Variants in KIF9 observed in about 807,000 individuals in gnomAD.
KIF9 encodes kinesin-like protein KIF9.
Under a neutral mutation model 94.8 loss-of-function variants are expected in KIF9, and 68 were observed. The ratio of observed to expected loss-of-function variants is 0.72; its 90% CI spans 0.59 to 0.88. The LOEUF (loss-of-function observed/expected upper bound fraction) is 0.88. Among genes scored for constraint, KIF9 ranks in the 40% least tolerant of loss-of-function variants. The probability of loss-of-function intolerance (pLI) is 0.00; values close to 1 mark genes in which losing one functional copy is unlikely to be tolerated. For synonymous variants in KIF9, 343 were observed against 362.1 expected, an observed-to-expected ratio of 0.95 and a Z score of 0.60; for missense variants, 882 against 982.5, an observed-to-expected ratio of 0.90 and a Z score of 1.37.
chr3:47,254,570 C>T (rs1267464477), intron 10 of KIF9, among the ~76,000 whole-genome samples: 1 of 152,178 alleles, frequency 6.6e-6, no homozygotes, highest in Non-Finnish European at 1.5e-5. Flanking sequence ...GAGATCGTGC[C>T]ACTACACTCC....
chr3:47,258,911 T>C (rs1416059107), intron 9 of KIF9, among the ~76,000 whole-genome samples: 2 of 152,352 alleles, frequency 1.3e-5, no homozygotes, highest in East Asian at 3.9e-4. Context: ...ACTTGCATTA[T>C]ATGTCAGTCA....
In KIF9 at chr3:47,230,700, C is replaced by T. The variant is rs145507112; in HGVS notation, c.2323-1998G>A. On this transcript the variant is annotated intron_variant, in intron 20 of 20. Transcript: ENST00000684063. ...GAGCCAAGATCACACCATTGCACTCCAGCCTAGGTGACAGAGGAAGACTCC... is the reference window on the plus strand; with the variant it reads ...GAGCCAAGATCACACCATTGCACTCTAGCCTAGGTGACAGAGGAAGACTCC... Among the ~76,000 whole-genome samples the T allele has an allele frequency of 8.1e-3, 1,225 of 151,450 alleles. 5 individuals carry two copies. The highest frequency in any genetic ancestry group is 0.012 in the Non-Finnish European group (842 of 67,922).
At chr3:47,242,497 G>A (rs1699640490) in intron 16 of KIF9, among the ~76,000 whole-genome samples, 1 of 152,212 alleles carries the variant, frequency 6.6e-6, no homozygotes, top group South Asian at 2.1e-4. Context: ...GTTTAGAAAT[G>A]TTCATAGGTT....
intron 4 of KIF9, among the ~76,000 whole-genome samples, chr3:47,273,014 C>T (rs1284165746): frequency 2.6e-5 from 4 of 152,170 alleles, no homozygotes; most frequent in Admixed American, 1.3e-4. Flanking sequence ...AGAACCCAGG[C>T]TAGTGGGGCC....
At chr3:47,254,449 C>CA (rs1576007378) in intron 10 of KIF9, among the ~76,000 whole-genome samples, 1 of 150,542 alleles carries the variant, frequency 6.6e-6, no homozygotes, top group South Asian at 2.1e-4. Flanking sequence ...GACTCCATCT[C>CA]AAAAAACAAA....
chr3:47,236,694 G>A, intron 17 of KIF9, 75 bp from the exon 18 acceptor site: 2 of 1,368,432 alleles, frequency 1.5e-6, no homozygotes, highest in Non-Finnish European at 2.0e-6. Flanking sequence ...ATTCCAGAAG[G>A]TGGGCACAGA....
At chr3:47,230,090 C>G (rs1189367098) in intron 20 of KIF9, among the ~76,000 whole-genome samples, 1 of 151,988 alleles carries the variant, frequency 6.6e-6, no homozygotes, top group Admixed American at 6.6e-5. Flanking sequence ...CTCAATAAAG[C>G]CTTTTAAAAA....
In KIF9 at chr3:47,265,878, C is replaced by T. The variant is rs1402042884; in HGVS notation, c.769-1G>A. 1 of 1,614,136 alleles carries T rather than the reference C, an allele frequency of 6.2e-7. No individual in the cohort carries two copies. Among genetic ancestry groups the T allele is most frequent in the Non-Finnish European group, 8.5e-7 (1 of 1,180,008 alleles). Reference sequence around the variant, plus strand: ...CTTCCTTCAGGACTTGGCCCTCAGACTACAAAGCAAAGGTCAGTTCCACTT... The same window carrying T: ...CTTCCTTCAGGACTTGGCCCTCAGATTACAAAGCAAAGGTCAGTTCCACTT... On this transcript the variant is annotated splice_acceptor_variant, in intron 7 of 20. Transcript: ENST00000684063. LOFTEE classifies it high-confidence loss of function.
At chr3:47,244,610 T>C (rs1454589979) in intron 15 of KIF9, 181 bp downstream of exon 15, 2 of 694,544 alleles carry the variant, frequency 2.9e-6, no homozygotes, top group Non-Finnish European at 5.0e-6. Context: ...ATGATTCTTG[T>C]GCGGTTCCAA....
chr3:47,264,311 C>A lies in KIF9; in HGVS notation c.956G>T (p.Gly319Val). The change falls in exon 9 of 21, where the codon GGA (glycine) becomes GTA (valine). Residue 319 changes from glycine (G) to valine (V), a missense_variant. Coordinates refer to ENST00000684063, the MANE Select transcript of KIF9 (RefSeq NM_182902.4). ...CNMVLVTNIY[G>V]EAAQLEETLS... is the part of the protein sequence containing the mutation. The stretch of plus-strand genomic sequence containing the variant: ...CGTTTCTTCTAACTGGGCAGCTTCT[C>A]CATAGATGTTTGTCACGAGGACCAT... 6.2e-7 allele frequency: 1 copy of A among 1,613,748 alleles called. No homozygotes were observed. Among genetic ancestry groups the A allele is most frequent in the South Asian group, 1.1e-5 (1 of 91,070 alleles).
intron 16 of KIF9, among the ~76,000 whole-genome samples, chr3:47,241,826 C>T (rs1423136676): frequency 2.2e-5 from 3 of 137,038 alleles, no homozygotes; most frequent in Admixed American, 7.8e-5. Context: ...TATATATATA[C>T]ACACACACAT....
chr3:47,244,843 T>C lies in KIF9; in HGVS notation c.1462A>G (p.Thr488Ala). Residue 488 changes from threonine to alanine, a missense_variant, in exon 15 of 21, where the codon ACC becomes GCC. Physicochemically the swap from Thr to Ala is moderately conservative, Grantham distance 58. Transcript: ENST00000684063. ...GACTTGGCTTTCTTCCCAGGTTTGG[T>C]AGAGAAAGGGGCGACTCCGAGTCCA... is the stretch of plus-strand genomic sequence containing the variant. The part of the protein sequence containing the change: ...NFGLGVAPFS[T>A]KPGKKAKSKK... 1 of 1,613,968 alleles carries C rather than the reference T, an allele frequency of 6.2e-7. No homozygotes were observed. The highest frequency in any genetic ancestry group is 1.1e-5 in the South Asian group (1 of 91,060).
At chr3:47,240,343 C>T in intron 17 of KIF9, 1 of 222,166 alleles carries the variant, frequency 4.5e-6, no homozygotes, top group East Asian at 1.1e-4. Context: ...AGTCCCTTGG[C>T]TCTCTGGCAT....
At chr3:47,250,280 T>C (rs747695405) in intron 10 of KIF9, among the ~76,000 whole-genome samples, 2 of 152,170 alleles carry the variant, frequency 1.3e-5, no homozygotes, top group Non-Finnish European at 2.9e-5. Flanking sequence ...AAGAAGTAAT[T>C]CTAATTTTAA....
At chr3:47,243,963 G>GT (rs1198129891) in intron 15 of KIF9, 1 of 152,298 alleles carries the variant, frequency 6.6e-6, no homozygotes, top group Non-Finnish European at 1.5e-5. Context: ...GGGTTGGGGT[G>GT]TGACTGCACT....
intron 7 of KIF9, chr3:47,266,078 T>C: frequency 1.9e-6 from 1 of 539,554 alleles, no homozygotes; most frequent in East Asian, 3.0e-5. Context: ...TCAGAAATAT[T>C]CATGTGAACA....
intron 17 of KIF9, among the ~76,000 whole-genome samples, chr3:47,237,436 G>A (rs188503405): frequency 2.6e-5 from 4 of 152,296 alleles, no homozygotes; most frequent in East Asian, 3.9e-4. Flanking sequence ...CATCTATATC[G>A]TGTTGAGTAG....
In KIF9 at chr3:47,264,281, C is replaced by T. The variant is rs373571297; in HGVS notation, c.981+5G>A. 2 of 1,609,930 alleles carry T rather than the reference C, an allele frequency of 1.2e-6. No homozygotes were observed. The highest frequency in any genetic ancestry group is 1.7e-6 in the Non-Finnish European group (2 of 1,176,256). ...AGCCTGGTTTCACTGACTGTCTTTA[C>T]ATACCGTTTCTTCTAACTGGGCAGC... On this transcript the variant is annotated splice_donor_5th_base_variant and intron_variant, in intron 9 of 20. Transcript: ENST00000684063.
At position 47,275,459 on chromosome 3, in the gene KIF9, C is replaced by T. The variant is rs1424782662; in HGVS notation, c.125G>A (p.Arg42Gln). The T allele has an allele frequency of 5.0e-6, 8 of 1,609,482 alleles. No individual in the cohort carries two copies. The highest frequency in any genetic ancestry group is 3.4e-5 in the Admixed American group (2 of 58,722). Residue 42 changes from arginine (R) to glutamine (Q), a missense_variant, in exon 3 of 21, where the codon CGG (arginine) becomes CAG (glutamine). By Grantham distance (43) the Arg-to-Gln change is conservative (BLOSUM62 1). Coordinates refer to ENST00000684063, the MANE Select transcript of KIF9 (RefSeq NM_182902.4). ...CTGTTGGTTATTGACAACTCCTCTC[C>T]GAATGTCTTTTTTTAAGTGAATATC... ...SIDIHLKKDI[R>Q]RGVVNNQQTD...
Sources: gnomAD v4.1 joint callset for allele counts (sites outside exome capture counted in the v4.1 genomes callset) on GRCh38, gnomAD v4.1.1 for gene constraint, MANE v1.5 for transcripts, NCBI Gene and HGNC (gene_info 2026-07-23, HGNC 2026-07-21) for gene names.